Variants in BICC1 observed in about 807,000 individuals in gnomAD.
BICC1 encodes the protein protein bicaudal C homolog 1.
Under a neutral mutation model 111.0 loss-of-function variants are expected in BICC1, and 43 were observed. The ratio of observed to expected loss-of-function variants is 0.39; its 90% CI spans 0.30 to 0.50. The LOEUF is 0.50. BICC1 is among the 20% of genes least tolerant of loss of function. BICC1 has a pLI of 0.88. For missense variants in BICC1, 1,091 were observed against 1,203.2 expected, an observed-to-expected ratio of 0.91 and a Z score of 1.38; for synonymous variants, 467 against 434.4, an observed-to-expected ratio of 1.07 and a Z score of -0.93.
At chr10:58,660,387 C>T (rs529094275) in intron 2 of BICC1, among the ~76,000 whole-genome samples, 38 of 151,412 alleles carry the variant, frequency 2.5e-4, no homozygotes, top group Non-Finnish European at 5.2e-4. Context: ...ATCACCTCTC[C>T]TCAGGAATAA....
intron 2 of BICC1, among the ~76,000 whole-genome samples, chr10:58,699,537 C>G (rs1290283031): frequency 6.6e-6 from 1 of 152,192 alleles, no homozygotes; most frequent in Non-Finnish European, 1.5e-5. Context: ...TGTCAAAAGG[C>G]AAACTTATCT....
At chr10:58,529,428 C>T (rs753597834) in intron 1 of BICC1, among the ~76,000 whole-genome samples, 9 of 151,846 alleles carry the variant, frequency 5.9e-5, no homozygotes, top group East Asian at 1.9e-4. Context: ...TCTTATTCTG[C>T]GCAGAAGACC....
At chr10:58,770,416 T>C (rs1842592184) in intron 3 of BICC1, among the ~76,000 whole-genome samples, 1 of 152,156 alleles carries the variant, frequency 6.6e-6, no homozygotes, top group Non-Finnish European at 1.5e-5. Flanking sequence ...TATGCTGATA[T>C]GTTGTACATT....
rs4284360 is a variant in BICC1, at chr10:58,598,924, A to C, written c.191-21931A>C. Among the ~76,000 whole-genome samples, 263 of 152,376 alleles carry C rather than the reference A, an allele frequency of 1.7e-3. 2 individuals are homozygous for C. The highest frequency in any genetic ancestry group is 5.7e-3 in the African/African-American group (238 of 41,586). On this transcript the variant is annotated intron_variant, in intron 1 of 20. Coordinates refer to ENST00000373886, the MANE Select transcript of BICC1 (RefSeq NM_001080512.3). ...AAAATGCTCATCATTACTGGTCATT[A>C]GAGAAATGCAAATCAAAACCATAAT...
chr10:58,757,514 G>C (rs895716447), intron 3 of BICC1, among the ~76,000 whole-genome samples: 17 of 148,670 alleles, frequency 1.1e-4, no homozygotes, highest in Admixed American at 8.7e-4. Context: ...GTCCATGCCA[G>C]AGTGGAGCTT....
chr10:58,710,112 CAGTG>C (rs1564568077), intron 3 of BICC1, among the ~76,000 whole-genome samples: 1 of 152,188 alleles, frequency 6.6e-6, no homozygotes, highest in East Asian at 1.9e-4. Flanking sequence ...TTCAAATTAT[CAGTG>C]AGTGATACCA....
At chr10:58,700,174 GAAAT>G (rs919134503) in intron 2 of BICC1, among the ~76,000 whole-genome samples, 1 of 152,136 alleles carries the variant, frequency 6.6e-6, no homozygotes, top group African/African-American at 2.4e-5. Flanking sequence ...GGTTAGGAGG[GAAAT>G]AAACACAGTG....
At chr10:58,683,954 G>A (rs954608501) in intron 2 of BICC1, among the ~76,000 whole-genome samples, 9 of 152,146 alleles carry the variant, frequency 5.9e-5, no homozygotes. Flanking sequence ...TCTTGTGCCA[G>A]TTTTCAAAGG....
At chr10:58,552,195 T>A (rs1843313068) in intron 1 of BICC1, among the ~76,000 whole-genome samples, 1 of 151,978 alleles carries the variant, frequency 6.6e-6, no homozygotes, top group South Asian at 2.1e-4. Flanking sequence ...ACCTACAGTG[T>A]TTGAGGGGAA....
chr10:58,596,818 G>C (rs1844829650), intron 1 of BICC1, among the ~76,000 whole-genome samples: 1 of 152,072 alleles, frequency 6.6e-6, no homozygotes, highest in Non-Finnish European at 1.5e-5. Context: ...TACTAAGAGA[G>C]TAAAATACCT....
intron 1 of BICC1, among the ~76,000 whole-genome samples, chr10:58,534,874 A>T (rs1364760160): frequency 6.6e-6 from 1 of 151,564 alleles, no homozygotes; most frequent in Non-Finnish European, 1.5e-5. Flanking sequence ...ATTTTTTTTT[A>T]AAGAGATAGA....
intron 1 of BICC1, among the ~76,000 whole-genome samples, chr10:58,568,922 AAG>A (rs1843856610): frequency 6.6e-6 from 1 of 152,146 alleles, no homozygotes; most frequent in African/African-American, 2.4e-5. Flanking sequence ...GTGGGTTTGG[AAG>A]CAGCTACTGC....
At position 58,695,759 on chromosome 10, in the gene BICC1, G is replaced by A. The variant is rs895116876; in HGVS notation, c.238-6315G>A. Among the ~76,000 whole-genome samples the A allele has an allele frequency of 3.9e-5, 6 of 152,178 alleles. No individual in the cohort carries two copies. The South Asian group carries it at 6.2e-4, about 16-fold the overall frequency. On this transcript the variant is annotated intron_variant, in intron 2 of 20. Coordinates refer to ENST00000373886, the MANE Select transcript of BICC1 (RefSeq NM_001080512.3). ...ATTGCTGCAAACCTGCGACATATAT[G>A]GTTTAGTGAACATTGGTAGATATGT...
intron 1 of BICC1, among the ~76,000 whole-genome samples, chr10:58,513,719 G>C (rs1034881879): frequency 1.3e-5 from 2 of 152,202 alleles, no homozygotes; most frequent in Admixed American, 1.3e-4. Context: ...TTCCCTGGCA[G>C]CCTCGAGTTC....
chr10:58,562,627 G>T (rs535303190), intron 1 of BICC1, among the ~76,000 whole-genome samples: 1 of 151,768 alleles, frequency 6.6e-6, no homozygotes, highest in African/African-American at 2.4e-5. Flanking sequence ...TCCTTTTTTG[G>T]TGTCAGTTAC....
intron 1 of BICC1, among the ~76,000 whole-genome samples, chr10:58,536,309 A>G (rs879085923): frequency 6.6e-6 from 1 of 151,904 alleles, no homozygotes; most frequent in South Asian, 2.1e-4. Context: ...ATTCTCCAAA[A>G]TAGATCATAT....
chr10:58,646,654 ACTT>A (rs1251733684), intron 2 of BICC1, among the ~76,000 whole-genome samples: 1 of 152,114 alleles, frequency 6.6e-6, no homozygotes, highest in Non-Finnish European at 1.5e-5. Flanking sequence ...CCTGTATAGA[ACTT>A]CTTAGGAAAC....
chr10:58,661,254 C>T (rs181369305), intron 2 of BICC1, among the ~76,000 whole-genome samples: 9 of 146,762 alleles, frequency 6.1e-5, no homozygotes, highest in Non-Finnish European at 1.3e-4. Flanking sequence ...TCATGCCAAT[C>T]CTTGTTTCTG....
In BICC1 at chr10:58,805,309, AC is replaced by A. The variant is rs200279144; in HGVS notation, c.2182-1274del. On this transcript the variant is annotated intron_variant, in intron 15 of 20. Transcript: ENST00000373886. ...CTCTGTCTAAAAAACAAACAAACAA[AC>A]AAACAAAAAAACTGCAAGTCATCGA... Among the ~76,000 whole-genome samples the A allele has an allele frequency of 1.5e-3, 227 of 147,690 alleles. 2 individuals carry two copies. The highest frequency in any genetic ancestry group is 3.4e-3 in the African/African-American group (130 of 38,744).
Sources: allele counts gnomAD v4.1 joint callset (sites outside exome capture counted in the v4.1 genomes callset), GRCh38; gene constraint gnomAD v4.1.1; transcripts MANE v1.5; gene names NCBI Gene and HGNC (gene_info 2026-07-23, HGNC 2026-07-21).